Variants in OXR1 observed in about 807,000 individuals in gnomAD.
The protein encoded by OXR1 is oxidation resistance protein 1.
A neutral mutation model predicts 104.6 loss-of-function variants in OXR1; 41 were observed. That is an observed-to-expected ratio of 0.39 (90% CI 0.31 to 0.51). The LOEUF (loss-of-function observed/expected upper bound fraction) is 0.51. Ranked by LOEUF, OXR1 falls within the 20% of genes least tolerant of loss-of-function variation. OXR1 has a pLI of 0.77. For synonymous variants in OXR1, 348 were observed against 348.4 expected, an observed-to-expected ratio of 1.00 and a Z score of 0.01; for missense variants, 955 against 1,031.9, an observed-to-expected ratio of 0.93 and a Z score of 1.02.
chr8:106,338,415 T>A (rs968186621), intron 1 of OXR1, among the ~76,000 whole-genome samples: 3 of 151,762 alleles, frequency 2.0e-5, no homozygotes, highest in Non-Finnish European at 4.4e-5. Flanking sequence ...ATACAAAAAT[T>A]AGCTGGGTGT....
intron 1 of OXR1, among the ~76,000 whole-genome samples, chr8:106,317,324 G>T (rs1372483999): frequency 6.6e-6 from 1 of 152,086 alleles, no homozygotes; most frequent in African/African-American, 2.4e-5. Flanking sequence ...CAGGAAATTG[G>T]GATGACCTAA....
intron 2 of OXR1, among the ~76,000 whole-genome samples, chr8:106,416,013 A>G (rs2130520972): frequency 1.3e-5 from 2 of 152,298 alleles, no homozygotes; most frequent in Admixed American, 1.3e-4. Context: ...TAAACAGAAC[A>G]GAGTCCCTCT....
In OXR1 at chr8:106,482,419, A is replaced by AG. The variant is rs955349480; in HGVS notation, c.24-36524_24-36523insG. Among the ~76,000 whole-genome samples the AG allele has an allele frequency of 1.7e-4, 26 of 150,474 alleles. 1 individual carries two copies. The East Asian group carries it at 4.9e-3, about 28-fold the overall frequency. On this transcript the variant is annotated intron_variant, in intron 2 of 16. Coordinates refer to ENST00000517566, the MANE Select transcript of OXR1 (RefSeq NM_001198533.2). ...AGAACAAGAGTTAGGAACTGGGGGA[A>AG]AAAAAAAAAAGGCTCAAATCCCATC...
At chr8:106,646,468 ATAACT>A (rs1235876351) in intron 3 of OXR1, among the ~76,000 whole-genome samples, 1 of 152,242 alleles carries the variant, frequency 6.6e-6, no homozygotes, top group African/African-American at 2.4e-5. Context: ...TAAAAGCTAT[ATAACT>A]TTAAAATATG....
At chr8:106,414,958 T>G (rs963041659) in intron 2 of OXR1, among the ~76,000 whole-genome samples, 7 of 152,154 alleles carry the variant, frequency 4.6e-5, no homozygotes, top group Admixed American at 2.6e-4. Flanking sequence ...TTAGGCCAAC[T>G]GCTGAGCAGA....
intron 3 of OXR1, among the ~76,000 whole-genome samples, chr8:106,661,826 T>C (rs1181933938): frequency 6.6e-6 from 1 of 152,238 alleles, no homozygotes; most frequent in Non-Finnish European, 1.5e-5. Flanking sequence ...CAGTCTCATA[T>C]TCAATTTATA....
chr8:106,457,243 G>A lies in OXR1; in HGVS notation c.24-61700G>A, dbSNP rs542674106. ...GGGTTAGTTAGTTGTCTTGGGATAG[G>A]TTTCTGATAAAAAGATGATTTTGGT... On this transcript the variant is annotated intron_variant, in intron 2 of 16. Coordinates refer to ENST00000517566, the MANE Select transcript of OXR1 (RefSeq NM_001198533.2). 3.2e-4 allele frequency among the ~76,000 whole-genome samples: 48 copies of A among 152,184 alleles called. 1 individual carries two copies. In the South Asian group the frequency reaches 9.5e-3, roughly 30 times the overall value.
chr8:106,749,848 C>T (rs1458451543), intron 16 of OXR1, among the ~76,000 whole-genome samples: 4 of 152,006 alleles, frequency 2.6e-5, no homozygotes, highest in Non-Finnish European at 5.9e-5. Context: ...CTGGTGTTTT[C>T]CCCTCTCGGT....
At chr8:106,639,862 A>C (rs1454129914) in intron 3 of OXR1, among the ~76,000 whole-genome samples, 1 of 152,220 alleles carries the variant, frequency 6.6e-6, no homozygotes, top group African/African-American at 2.4e-5. Context: ...ATGTTAATGT[A>C]GACAAGTATA....
chr8:106,294,174 G>A (rs1328764094), intron 1 of OXR1, among the ~76,000 whole-genome samples: 2 of 151,410 alleles, frequency 1.3e-5, no homozygotes, highest in Non-Finnish European at 2.9e-5. Context: ...AGGCCGAGGC[G>A]GGCAGATAAT....
At chr8:106,520,736 A>G (rs1040120660) in intron 3 of OXR1, among the ~76,000 whole-genome samples, 2 of 152,200 alleles carry the variant, frequency 1.3e-5, no homozygotes, top group African/African-American at 4.8e-5. Context: ...AATTACCACT[A>G]TCCTTCTCTC....
chr8:106,472,559 A>G (rs1421146813), intron 2 of OXR1, among the ~76,000 whole-genome samples: 1 of 151,886 alleles, frequency 6.6e-6, no homozygotes, highest in Non-Finnish European at 1.5e-5. Context: ...ATATGCACAA[A>G]AGTTTAAATG....
intron 1 of OXR1, among the ~76,000 whole-genome samples, chr8:106,296,016 T>C (rs1344678739): frequency 2.0e-5 from 3 of 152,188 alleles, no homozygotes; most frequent in African/African-American, 7.2e-5. Flanking sequence ...TTCCCAGAAG[T>C]GGCTGCTTTC....
chr8:106,587,018 T>C (rs999030031), intron 3 of OXR1, among the ~76,000 whole-genome samples: 31 of 152,258 alleles, frequency 2.0e-4, no homozygotes, highest in African/African-American at 7.5e-4. Context: ...TGTTCATCCA[T>C]AGTGTAAATT....
At chr8:106,342,273 C>T (rs1432003546) in intron 1 of OXR1, among the ~76,000 whole-genome samples, 1 of 146,270 alleles carries the variant, frequency 6.8e-6, no homozygotes, top group African/African-American at 2.5e-5. Context: ...TTTCTCGAGA[C>T]AGAGTCTCAC....
At chr8:106,419,380 G>A (rs758522741) in intron 2 of OXR1, among the ~76,000 whole-genome samples, 7 of 152,132 alleles carry the variant, frequency 4.6e-5, no homozygotes, top group Non-Finnish European at 7.4e-5. Context: ...GTTTGTTCAA[G>A]GTCACATGAT....
intron 7 of OXR1, among the ~76,000 whole-genome samples, chr8:106,698,834 G>T (rs1830323483): frequency 6.6e-6 from 1 of 151,662 alleles, no homozygotes; most frequent in South Asian, 2.1e-4. Flanking sequence ...TTACTTCTGG[G>T]TCTGTTTGCG....
At chr8:106,561,477 A>AG (rs1816675584) in intron 3 of OXR1, among the ~76,000 whole-genome samples, 1 of 152,192 alleles carries the variant, frequency 6.6e-6, no homozygotes, top group Admixed American at 6.5e-5. Flanking sequence ...CAGCACAGTC[A>AG]GGGGCTTATA....
At chr8:106,430,185 A>G (rs1471956071) in intron 2 of OXR1, among the ~76,000 whole-genome samples, 2 of 152,216 alleles carry the variant, frequency 1.3e-5, no homozygotes, top group African/African-American at 2.4e-5. Flanking sequence ...ATTACAAAAA[A>G]TTGAAAGGAA....
Sources: gnomAD v4.1 joint callset for allele counts (sites outside exome capture counted in the v4.1 genomes callset) on GRCh38, gnomAD v4.1.1 for gene constraint, MANE v1.5 for transcripts, NCBI Gene and HGNC (gene_info 2026-07-23, HGNC 2026-07-21) for gene names.